Variants in COG6 observed in about 807,000 individuals in gnomAD.
COG6 encodes the protein component of oligomeric golgi complex 6, also known as conserved oligomeric Golgi complex subunit 6.
COG6 carries 74 observed loss-of-function variants against 88.8 expected under a neutral mutation model. The ratio of observed to expected loss-of-function variants is 0.83; its 90% CI spans 0.69 to 1.01. The LOEUF (loss-of-function observed/expected upper bound fraction) is 1.01, where lower values mean the gene tolerates loss of function less well. COG6 is among the 50% of genes least tolerant of loss of function. COG6 has a pLI of 0.00. For synonymous variants in COG6, 286 were observed against 278.7 expected, an observed-to-expected ratio of 1.03 and a Z score of -0.26; for missense variants, 800 against 797.9, an observed-to-expected ratio of 1.00 and a Z score of -0.03.
rs1050000562 is a variant in COG6, at chr13:39,745,459, T to C, written c.1827-5487T>C. On this transcript the variant is annotated intron_variant, in intron 18 of 18. Coordinates refer to ENST00000455146, the MANE Select transcript of COG6 (RefSeq NM_020751.3). ...GATACTTCTCAAAAGAAGACATTTA[T>C]GCAGCCAACAGACACATGAAAAAAT... Among the ~76,000 whole-genome samples, 5 of 152,196 alleles carry C rather than the reference T, an allele frequency of 3.3e-5. No homozygotes were observed. In the East Asian group the frequency reaches 9.6e-4, roughly 29 times the overall value.
intron 14 of COG6, 26 bp downstream of exon 14, chr13:39,719,393 A>G (rs1878722811): frequency 6.2e-7 from 1 of 1,605,970 alleles, no homozygotes; most frequent in Non-Finnish European, 8.5e-7. Flanking sequence ...ATTTTTAATG[A>G]TTGTTTTTTG....
intron 7 of COG6, 91 bp from the exon 8 acceptor site, chr13:39,682,080 T>G: frequency 1.1e-6 from 1 of 869,894 alleles, no homozygotes; most frequent in South Asian, 1.4e-5. Flanking sequence ...TATGGGGTGT[T>G]TGCCATAGAA....
chr13:39,789,232 C>T (rs938848160), exon 19 of COG6: 6 of 152,112 alleles, frequency 3.9e-5, no homozygotes, highest in African/African-American at 9.7e-5. Context: ...ATTTCACTGC[C>T]GTATAAATAA....
At chr13:39,765,969 C>G (rs1472533510) in intron 18 of COG6, among the ~76,000 whole-genome samples, 1 of 152,230 alleles carries the variant, frequency 6.6e-6, no homozygotes. Context: ...GGTTCTGTTA[C>G]AGGATTTAGC....
chr13:39,687,592 C>T lies in COG6; in HGVS notation c.878C>T (p.Thr293Ile), dbSNP rs1002346450. 5.6e-6 allele frequency: 9 copies of T among 1,613,812 alleles called. No individual in the cohort carries two copies. Among genetic ancestry groups the T allele is most frequent in the Non-Finnish European group, 7.6e-6 (9 of 1,179,984 alleles). ...DALTRGGPGG[T>I]PRPIEMHSHD... ...CTCACAAGAGGGGGCCCCGGAGGTACACCTAGACCAATTGAAATGCATTCT... is the reference window on the plus strand; with the variant it reads ...CTCACAAGAGGGGGCCCCGGAGGTATACCTAGACCAATTGAAATGCATTCT... The change falls in exon 9 of 19, where the codon ACA becomes ATA. Residue 293 changes from threonine (T) to isoleucine (I), a missense_variant. Physicochemically the swap from Thr to Ile is moderately conservative, Grantham distance 89. Transcript: ENST00000455146.
At chr13:39,691,920 T>C (rs1339303908) in intron 11 of COG6, among the ~76,000 whole-genome samples, 2 of 151,786 alleles carry the variant, frequency 1.3e-5, no homozygotes, top group African/African-American at 4.8e-5. Context: ...TGTCCATCAT[T>C]ATTCTTTGTA....
At chr13:39,782,580 A>G (rs963158247) in intron 18 of COG6, among the ~76,000 whole-genome samples, 3 of 152,306 alleles carry the variant, frequency 2.0e-5, no homozygotes, top group South Asian at 4.1e-4. Flanking sequence ...GAAAACCTCA[A>G]TCTCTCCTCA....
At chr13:39,692,624 A>G (rs1362444822) in intron 11 of COG6, among the ~76,000 whole-genome samples, 1 of 151,934 alleles carries the variant, frequency 6.6e-6, no homozygotes, top group Non-Finnish European at 1.5e-5. Flanking sequence ...TGTCCCCTTC[A>G]TGAACACAAA....
chr13:39,699,491 T>G lies in COG6; in HGVS notation c.1167-10T>G. The G allele has an allele frequency of 7.5e-7, 1 of 1,340,952 alleles. No individual in the cohort carries two copies. Among genetic ancestry groups the G allele is most frequent in the Non-Finnish European group, 1.1e-6 (1 of 931,986 alleles). 83.1% of individuals were successfully genotyped at this position (1,340,952 alleles called of 1,614,324 possible). A position where few individuals can be genotyped will look rare whatever the true frequency, so the allele number is the denominator to read the frequency against. The stretch of plus-strand genomic sequence containing the variant: ...TCTGTTTTGCAACCTGAAATATTCT[T>G]TGCTTTTAGTGGTATTGTTGGAAAT... On this transcript the variant is annotated splice_polypyrimidine_tract_variant and intron_variant, in intron 12 of 18. Coordinates refer to ENST00000455146, the MANE Select transcript of COG6 (RefSeq NM_020751.3).
In COG6 at chr13:39,751,169, T is replaced by C. The variant is rs1392062371; in HGVS notation, c.*76T>C. ...GGTTATTTTTTATTCTTTGAATTTT[T>C]ACTCTATAATTTGATAGTTACAGTT... On this transcript the variant is annotated 3_prime_UTR_variant, in exon 19 of 19. Transcript: ENST00000455146. The C allele has an allele frequency of 6.4e-7, 1 of 1,574,088 alleles. No homozygotes were observed. The highest frequency in any genetic ancestry group is 2.4e-5 in the East Asian group (1 of 42,186).
At chr13:39,689,729 CAAATATTAAT>C (rs1218532107) in intron 10 of COG6, 21 bp from the exon 11 acceptor site, 44 of 1,493,940 alleles carry the variant, frequency 2.9e-5, no homozygotes, top group Non-Finnish European at 4.1e-5. Flanking sequence ...AATATGGAAA[CAAATATTAAT>C]TATGTAGTCA....
chr13:39,681,958 A>G (rs554344208), intron 7 of COG6, among the ~76,000 whole-genome samples: 1 of 152,210 alleles, frequency 6.6e-6, no homozygotes, highest in South Asian at 2.1e-4. Flanking sequence ...CTGATAGCAT[A>G]TGTGGTCATT....
intron 5 of COG6, among the ~76,000 whole-genome samples, chr13:39,678,566 C>A (rs187511469): frequency 6.6e-6 from 1 of 151,922 alleles, no homozygotes; most frequent in Non-Finnish European, 1.5e-5. Flanking sequence ...GAAAAAGTTT[C>A]GTTTCTTTTT....
exon 19 of COG6, chr13:39,791,143 A>G (rs529146995): frequency 2.6e-5 from 4 of 152,126 alleles, no homozygotes; most frequent in African/African-American, 7.2e-5. Flanking sequence ...ACTTACATAC[A>G]TACATACAAA....
chr13:39,781,302 A>G (rs1362611478), intron 18 of COG6, among the ~76,000 whole-genome samples: 5 of 152,214 alleles, frequency 3.3e-5, no homozygotes, highest in Non-Finnish European at 5.9e-5. Context: ...AGGTCCAAGC[A>G]TTCATCCCAA....
intron 15 of COG6, among the ~76,000 whole-genome samples, chr13:39,720,865 G>A (rs1207368128): frequency 1.3e-5 from 2 of 151,780 alleles, no homozygotes; most frequent in African/African-American, 4.8e-5. Flanking sequence ...GTTATCTACT[G>A]CCACTCCCCC....
intron 13 of COG6, among the ~76,000 whole-genome samples, chr13:39,713,032 A>G (rs1878324857): frequency 6.6e-6 from 1 of 152,250 alleles, no homozygotes; most frequent in African/African-American, 2.4e-5. Flanking sequence ...TCAGTATGTA[A>G]GATTTCTATG....
intron 13 of COG6, among the ~76,000 whole-genome samples, chr13:39,699,930 A>G (rs1258074637): frequency 6.6e-6 from 1 of 151,896 alleles, no homozygotes; most frequent in African/African-American, 2.4e-5. Flanking sequence ...CTAAGATGAC[A>G]TACAGATTGG....
intron 18 of COG6, 72 bp from the exon 19 acceptor site, chr13:39,750,874 A>G: frequency 8.6e-7 from 1 of 1,164,140 alleles, no homozygotes; most frequent in Non-Finnish European, 1.3e-6. Flanking sequence ...TGAAGTGTCA[A>G]GCTGTCTTAC....
Sources: gnomAD v4.1 joint callset for allele counts (sites outside exome capture counted in the v4.1 genomes callset) on GRCh38, gnomAD v4.1.1 for gene constraint, MANE v1.5 for transcripts, NCBI Gene and HGNC (gene_info 2026-07-23, HGNC 2026-07-21) for gene names.